The following LRBA variants were observed in gnomAD, a reference collection of about 807,000 sequenced individuals.
The protein encoded by LRBA is lipopolysaccharide-responsive and beige-like anchor protein.
A neutral mutation model predicts 330.0 loss-of-function variants in LRBA; 176 were observed. The observed-to-expected ratio is 0.53, with a 90% CI of 0.47 to 0.60. LRBA has a LOEUF of 0.60. Among genes scored for constraint, LRBA ranks in the 20% least tolerant of loss-of-function variants. The probability of loss-of-function intolerance (pLI) is 0.00; values close to 1 mark genes in which losing one functional copy is unlikely to be tolerated. For synonymous variants in LRBA, 1,230 were observed against 1,193.0 expected, an observed-to-expected ratio of 1.03 and a Z score of -0.64; for missense variants, 3,259 against 3,444.8, an observed-to-expected ratio of 0.95 and a Z score of 1.35.
chr4:150,910,479 T>C (rs1453218340), intron 9 of LRBA, among the ~76,000 whole-genome samples: 1 of 152,208 alleles, frequency 6.6e-6, no homozygotes, highest in East Asian at 1.9e-4. Context: ...CATTTGACCG[T>C]ATATGCAAAA....
At chr4:150,783,747 T>G (rs1191522975) in intron 34 of LRBA, among the ~76,000 whole-genome samples, 1 of 152,180 alleles carries the variant, frequency 6.6e-6, no homozygotes. Flanking sequence ...CAGTTTGGGG[T>G]TTCTGGTTAA....
chr4:150,639,815 GTGTGTATATATATATA>G lies in LRBA; in HGVS notation c.5922-40700_5922-40685del, dbSNP rs1213445344. ...TGTATATATATATATATGTGTGTGTGTGTGTATATATATATATATATATATATATATATATATATAT... is the reference window on the plus strand; with the variant it reads ...TGTATATATATATATATGTGTGTGTGTATATATATATATATATATATATAT... On this transcript the variant is annotated intron_variant, in intron 37 of 56. Coordinates refer to ENST00000651943, the MANE Select transcript of LRBA (RefSeq NM_001364905.1). Among the ~76,000 whole-genome samples the G allele has an allele frequency of 2.3e-3, 11 of 4,888 alleles. 1 individual carries two copies. Among genetic ancestry groups the G allele is most frequent in the African/African-American group, 4.6e-3 (11 of 2,396 alleles). The allele number at this position is 4,888 out of a possible 152,430, so 3.2% of individuals were successfully genotyped here. A position where few individuals can be genotyped will look rare whatever the true frequency, so the allele number is the denominator to read the frequency against.
At chr4:150,597,209 G>A (rs1000842599) in intron 38 of LRBA, 2 of 552,878 alleles carry the variant, frequency 3.6e-6, no homozygotes, top group African/African-American at 3.9e-5. Context: ...AAGAGTCTTA[G>A]GATGATAGTA....
At chr4:150,384,133 G>A (rs1186311479) in intron 47 of LRBA, among the ~76,000 whole-genome samples, 1 of 151,870 alleles carries the variant, frequency 6.6e-6, no homozygotes, top group Non-Finnish European at 1.5e-5. Context: ...CCATCTCCCG[G>A]GTTCAAGCGA....
At chr4:150,796,403 G>C (rs894726573) in intron 34 of LRBA, among the ~76,000 whole-genome samples, 17 of 151,882 alleles carry the variant, frequency 1.1e-4, no homozygotes, top group African/African-American at 3.9e-4. Flanking sequence ...TTTTCACACT[G>C]TGCTACATCT....
chr4:150,558,431 T>C (rs1173008689), intron 40 of LRBA, among the ~76,000 whole-genome samples: 1 of 152,248 alleles, frequency 6.6e-6, no homozygotes, highest in African/African-American at 2.4e-5. Flanking sequence ...TTTATTTTGT[T>C]GTTCAAATTA....
At position 150,817,116 on chromosome 4, in the gene LRBA, T is replaced by C; in HGVS notation, c.5305+8A>G. The C allele has an allele frequency of 1.2e-6, 2 of 1,609,596 alleles. No homozygotes were observed. Among genetic ancestry groups the C allele is most frequent in the Non-Finnish European group, 8.5e-7 (1 of 1,177,626 alleles). On this transcript the variant is annotated splice_region_variant and intron_variant, in intron 31 of 56. Transcript: ENST00000651943. ...CATTTTTGTTGAAATCACTGATAAC[T>C]AACTCACCTGGTGATTCTCCTCCCA...
chr4:150,802,728 T>C (rs1003427813), intron 33 of LRBA, among the ~76,000 whole-genome samples: 1 of 152,030 alleles, frequency 6.6e-6, no homozygotes, highest in Non-Finnish European at 1.5e-5. Context: ...GTCTTCAAAA[T>C]ATACAGGGCA....
intron 2 of LRBA, among the ~76,000 whole-genome samples, chr4:151,012,303 G>A (rs1373189353): frequency 1.3e-5 from 2 of 152,144 alleles, no homozygotes; most frequent in African/African-American, 4.8e-5. Context: ...TGATAAAAAT[G>A]CAAATGACTC....
At chr4:150,919,003 C>A (rs911056239) in intron 5 of LRBA, among the ~76,000 whole-genome samples, 6 of 151,910 alleles carry the variant, frequency 3.9e-5, no homozygotes, top group Non-Finnish European at 5.9e-5. Context: ...AGTGAAAATC[C>A]CAAATATTCA....
intron 26 of LRBA, 82 bp from the exon 27 acceptor site, chr4:150,844,861 T>C: frequency 9.2e-7 from 1 of 1,092,662 alleles, no homozygotes. Context: ...AACTACACAA[T>C]ATGATTTACA....
chr4:150,631,445 T>C (rs533153828), intron 37 of LRBA, among the ~76,000 whole-genome samples: 6 of 152,258 alleles, frequency 3.9e-5, no homozygotes, highest in South Asian at 2.1e-4. Flanking sequence ...TTAAGTTATA[T>C]AGGAAAAATT....
Position 150,275,903 on chromosome 4 carries a change from G to A in LRBA, c.8468+1950C>T, listed in dbSNP as rs1746702755. Among the ~76,000 whole-genome samples, 6 of 152,146 alleles carry A rather than the reference G, an allele frequency of 3.9e-5. No homozygotes were observed. In the South Asian group the frequency reaches 1.2e-3, roughly 32 times the overall value. ...ATGCTATCCCCATCAAGCTACCATT[G>A]ACTTTCTTCACAGAATTAGAAAAAA... On this transcript the variant is annotated intron_variant, in intron 56 of 56. Coordinates refer to ENST00000651943, the MANE Select transcript of LRBA (RefSeq NM_001364905.1).
chr4:150,940,981 T>C (rs1378843740), intron 2 of LRBA, among the ~76,000 whole-genome samples: 1 of 152,126 alleles, frequency 6.6e-6, no homozygotes, highest in Non-Finnish European at 1.5e-5. Flanking sequence ...GCTTTCAGTG[T>C]ATCTACTGAC....
chr4:150,295,001 ACT>A (rs1302081781), intron 53 of LRBA, among the ~76,000 whole-genome samples: 1 of 151,614 alleles, frequency 6.6e-6, no homozygotes. Context: ...CCCTTTTTTC[ACT>A]CTGTTATAAA....
At chr4:150,803,405 G>A (rs553491133) in intron 33 of LRBA, among the ~76,000 whole-genome samples, 4 of 151,806 alleles carry the variant, frequency 2.6e-5, no homozygotes, top group African/African-American at 9.7e-5. Flanking sequence ...TTGGATAGCT[G>A]GTAATAAGTT....
At chr4:150,560,786 A>G (rs1768220997) in intron 40 of LRBA, among the ~76,000 whole-genome samples, 1 of 152,196 alleles carries the variant, frequency 6.6e-6, no homozygotes, top group South Asian at 2.1e-4. Flanking sequence ...TGGGAGTTCA[A>G]GACCAGGCTG....
At chr4:150,628,704 CCTT>C (rs1379463611) in intron 37 of LRBA, among the ~76,000 whole-genome samples, 3 of 152,148 alleles carry the variant, frequency 2.0e-5, no homozygotes, top group Non-Finnish European at 2.9e-5. Flanking sequence ...AACCATGAGT[CCTT>C]CTTTTAACCT....
At chr4:150,779,325 C>G (rs1578755358) in intron 34 of LRBA, among the ~76,000 whole-genome samples, 1 of 151,832 alleles carries the variant, frequency 6.6e-6, no homozygotes, top group African/African-American at 2.4e-5. Flanking sequence ...CTTTTTTATT[C>G]AAAAGTCTGC....
Sources: allele counts gnomAD v4.1 joint callset (sites outside exome capture counted in the v4.1 genomes callset), GRCh38; gene constraint gnomAD v4.1.1; transcripts MANE v1.5; gene names NCBI Gene and HGNC (gene_info 2026-07-23, HGNC 2026-07-21).